The following PTCHD4 variants were observed in gnomAD, a reference collection of about 807,000 sequenced individuals.
PTCHD4 encodes patched domain containing 4.
PTCHD4 carries 33 observed loss-of-function variants against 58.1 expected under a neutral mutation model. The observed-to-expected ratio is 0.57, with a 90% CI of 0.43 to 0.76. The LOEUF (loss-of-function observed/expected upper bound fraction) is 0.76, where lower values mean the gene tolerates loss of function less well. Among genes scored for constraint, PTCHD4 ranks in the 30% least tolerant of loss-of-function variants. The probability of loss-of-function intolerance (pLI) is 0.00; values close to 1 mark genes in which losing one functional copy is unlikely to be tolerated. For synonymous variants in PTCHD4, 478 were observed against 409.6 expected (o/e 1.17, Z -2.02); for missense variants, 1,058 against 1,027.1 (o/e 1.03, Z -0.41).
intron 4 of PTCHD4, among the ~76,000 whole-genome samples, chr6:47,989,043 G>T (rs538988960): frequency 5.3e-5 from 8 of 152,328 alleles, no homozygotes; most frequent in South Asian, 4.1e-4. Context: ...GGACGATAAG[G>T]TTCAGTCTGA....
chr6:47,915,999 C>T (rs138851163), intron 4 of PTCHD4, among the ~76,000 whole-genome samples: 199 of 152,200 alleles, frequency 1.3e-3, no homozygotes, highest in African/African-American at 4.3e-3. Context: ...TCATCCAGTG[C>T]ATGGTGAGAG....
chr6:48,103,110 T>C (rs1222344614), intron 1 of PTCHD4, among the ~76,000 whole-genome samples: 2 of 152,186 alleles, frequency 1.3e-5, no homozygotes, highest in Non-Finnish European at 2.9e-5. Flanking sequence ...GAGTAGTGGT[T>C]CTCCCAGCAT....
At chr6:48,058,647 T>A (rs997468540) in intron 3 of PTCHD4, among the ~76,000 whole-genome samples, 1 of 152,112 alleles carries the variant, frequency 6.6e-6, no homozygotes, top group African/African-American at 2.4e-5. Flanking sequence ...AGAAAAACCA[T>A]AATCTCACAA....
chr6:47,922,423 T>G (rs565956967), intron 4 of PTCHD4, among the ~76,000 whole-genome samples: 1 of 152,330 alleles, frequency 6.6e-6, no homozygotes, highest in East Asian at 1.9e-4. Context: ...GAGTGTCTGG[T>G]TTCCTTTACC....
chr6:47,873,417 C>T lies in PTCHD4; in HGVS notation c.*4886G>A, dbSNP rs1258963109. On this transcript the variant is annotated 3_prime_UTR_variant, in exon 5 of 5. Transcript: ENST00000339488. ...TGCCTGATCTAACTCCACAACACTT[C>T]AAACACAGAACACCACCTCTTGTGC... 6.6e-6 allele frequency among the ~76,000 whole-genome samples: 1 copy of T among 151,682 alleles called. No homozygotes were observed. The highest frequency in any genetic ancestry group is 1.9e-4 in the East Asian group (1 of 5,152).
At chr6:48,004,847 G>A (rs755786424) in intron 4 of PTCHD4, among the ~76,000 whole-genome samples, 20 of 152,122 alleles carry the variant, frequency 1.3e-4, no homozygotes, top group Admixed American at 5.2e-4. Context: ...AACCCGGAAG[G>A]TGGAGGTTGC....
intron 3 of PTCHD4, among the ~76,000 whole-genome samples, chr6:48,043,736 T>C (rs1335809610): frequency 6.6e-6 from 1 of 151,828 alleles, no homozygotes; most frequent in Non-Finnish European, 1.5e-5. Context: ...ATTCAAAAAT[T>C]AAAAACATGC....
At position 47,866,825 on chromosome 6, in the gene PTCHD4, G is replaced by A. The variant is rs952208085; in HGVS notation, c.*11478C>T. Among the ~76,000 whole-genome samples the A allele has an allele frequency of 7.2e-5, 11 of 151,782 alleles. No homozygotes were observed. The highest frequency in any genetic ancestry group is 2.4e-4 in the African/African-American group (10 of 41,376). Reference sequence around the variant, plus strand: ...GTACCTTATGTGATCTTCAAAGAAAGCATCAGTGAATCATAAGGAAGTGAA... The same window carrying A: ...GTACCTTATGTGATCTTCAAAGAAAACATCAGTGAATCATAAGGAAGTGAA... On this transcript the variant is annotated 3_prime_UTR_variant, in exon 5 of 5. Transcript: ENST00000339488.
intron 1 of PTCHD4, among the ~76,000 whole-genome samples, chr6:48,095,690 A>AAAAC (rs1173965852): frequency 1.3e-5 from 2 of 151,744 alleles, no homozygotes; most frequent in Non-Finnish European, 2.9e-5. Context: ...CTCCGTCTCA[A>AAAAC]AAACAAACAA....
intron 1 of PTCHD4, among the ~76,000 whole-genome samples, chr6:48,093,967 T>TA (rs1765414219): frequency 6.6e-6 from 1 of 152,184 alleles, no homozygotes; most frequent in East Asian, 1.9e-4. Flanking sequence ...AAAATAGTCT[T>TA]ATGCAAACTT....
rs1763592743 is a variant in PTCHD4, at chr6:47,867,322, C to A, written c.*10981G>T. ...CATGCTCTAAACTGGCTCTTGCAAC[C>A]ACTACATTTCAAAGCAAGAGAGATT... is the stretch of plus-strand genomic sequence containing the variant. On this transcript the variant is annotated 3_prime_UTR_variant, in exon 5 of 5. Coordinates refer to ENST00000339488, the MANE Select transcript of PTCHD4 (RefSeq NM_001384253.1). Among the ~76,000 whole-genome samples the A allele has an allele frequency of 6.6e-6, 1 of 151,680 alleles. No homozygotes were observed. The highest frequency in any genetic ancestry group is 2.4e-5 in the African/African-American group (1 of 41,344).
intron 4 of PTCHD4, among the ~76,000 whole-genome samples, chr6:47,950,019 A>T (rs1766578255): frequency 1.4e-5 from 2 of 146,932 alleles, no homozygotes. Context: ...TCCTAATGCT[A>T]TCTCTTCCCC....
In PTCHD4 at chr6:47,860,176, G is replaced by A. The variant is rs1050356703; in HGVS notation, c.*18127C>T. 1.3e-5 allele frequency among the ~76,000 whole-genome samples: 2 copies of A among 151,910 alleles called. No homozygotes were observed. The highest frequency in any genetic ancestry group is 2.4e-5 in the African/African-American group (1 of 41,396). ...AGTATGAATCATGCAATCATTTCTTGTGCTTTATTGTGAGTGACTATTTCT... is the reference window on the plus strand; with the variant it reads ...AGTATGAATCATGCAATCATTTCTTATGCTTTATTGTGAGTGACTATTTCT... On this transcript the variant is annotated 3_prime_UTR_variant, in exon 5 of 5. Coordinates refer to ENST00000339488, the MANE Select transcript of PTCHD4 (RefSeq NM_001384253.1).
At chr6:47,913,841 A>AT (rs1375005442) in intron 4 of PTCHD4, among the ~76,000 whole-genome samples, 2 of 152,046 alleles carry the variant, frequency 1.3e-5, no homozygotes. Context: ...TTCTCTAAAC[A>AT]TTTTTCTGTG....
At chr6:47,997,168 T>C (rs1243336769) in intron 4 of PTCHD4, among the ~76,000 whole-genome samples, 1 of 152,164 alleles carries the variant, frequency 6.6e-6, no homozygotes, top group Non-Finnish European at 1.5e-5. Context: ...ACATGTTAGG[T>C]GCCTTTCAGT....
At chr6:47,971,811 A>G (rs1767522932) in intron 4 of PTCHD4, among the ~76,000 whole-genome samples, 1 of 152,178 alleles carries the variant, frequency 6.6e-6, no homozygotes, top group Non-Finnish European at 1.5e-5. Flanking sequence ...ATTTCAAGGT[A>G]GAAGATACTG....
intron 4 of PTCHD4, among the ~76,000 whole-genome samples, chr6:47,979,381 C>T (rs1767801123): frequency 1.3e-5 from 2 of 151,916 alleles, no homozygotes; most frequent in South Asian, 4.2e-4. Context: ...TAGTAAATGA[C>T]ATGCACACGG....
rs114171439 is a variant in PTCHD4 at position 47,961,298 on chromosome 6, T to C, written c.898+47336A>G. On this transcript the variant is annotated intron_variant, in intron 4 of 4. Coordinates refer to ENST00000339488, the MANE Select transcript of PTCHD4 (RefSeq NM_001384253.1). The stretch of plus-strand genomic sequence containing the variant: ...AACAAAGTAAATTTCTTTCTTTTTT[T>C]TTTTTCTTTCTTGAGACGGAGTCTT... Among the ~76,000 whole-genome samples, 311 of 151,918 alleles carry C rather than the reference T, an allele frequency of 2.0e-3. 2 individuals are homozygous for C. Among genetic ancestry groups the C allele is most frequent in the African/African-American group, 7.0e-3 (292 of 41,472 alleles).
In PTCHD4 at chr6:47,873,475, G is replaced by A. The variant is rs1763770659; in HGVS notation, c.*4828C>T. On this transcript the variant is annotated 3_prime_UTR_variant, in exon 5 of 5. Transcript: ENST00000339488. ...TTAAACGTGATGGTGGATTAATCTTGGTCCTTTAGTTGATAAATCAAGGTA... is the reference window on the plus strand; with the variant it reads ...TTAAACGTGATGGTGGATTAATCTTAGTCCTTTAGTTGATAAATCAAGGTA... Among the ~76,000 whole-genome samples the A allele has an allele frequency of 6.6e-6, 1 of 151,582 alleles. No homozygotes were observed. The highest frequency in any genetic ancestry group is 2.4e-5 in the African/African-American group (1 of 41,340).
Sources: gnomAD v4.1 joint callset for allele counts (sites outside exome capture counted in the v4.1 genomes callset) on GRCh38, gnomAD v4.1.1 for gene constraint, MANE v1.5 for transcripts, NCBI Gene and HGNC (gene_info 2026-07-23, HGNC 2026-07-21) for gene names.